The following ZNF503 variants were observed in gnomAD, a reference collection of about 807,000 sequenced individuals.
The protein encoded by ZNF503 is zinc finger protein 503, also known as NocA-like zinc finger 2.
A neutral mutation model predicts 34.4 loss-of-function variants in ZNF503; 15 were observed. That is an observed-to-expected ratio of 0.44 (90% CI 0.29 to 0.67). ZNF503 has a LOEUF of 0.67. Among genes scored for constraint, ZNF503 ranks in the 30% least tolerant of loss-of-function variants. The pLI, the probability that ZNF503 is intolerant of heterozygous loss-of-function variation, is 0.13. For synonymous variants in ZNF503, 580 were observed against 456.8 expected (o/e 1.27, Z -3.44); for missense variants, 1,007 against 926.8 (o/e 1.09, Z -1.12).
chr10:75,341,974 C>T, the ZNF503 span, among the ~76,000 whole-genome samples: 1 of 152,112 alleles, frequency 6.6e-6, no homozygotes, highest in South Asian at 2.1e-4. Context: ...TGGCTTATTT[C>T]TTGGTTGTCT....
the ZNF503 span, among the ~76,000 whole-genome samples, chr10:75,285,921 T>A: frequency 2.0e-5 from 3 of 152,142 alleles, no homozygotes; most frequent in Admixed American, 2.0e-4. Flanking sequence ...GAGCGGGTCT[T>A]GAGTTGTTTT....
chr10:75,349,893 C>G, the ZNF503 span, among the ~76,000 whole-genome samples: 169 of 152,288 alleles, frequency 1.1e-3, 1 homozygote, highest in East Asian at 0.024. Flanking sequence ...CAGAGTCACC[C>G]AGAAAGCCTG....
chr10:75,348,807 C>G, the ZNF503 span, among the ~76,000 whole-genome samples: 6 of 152,158 alleles, frequency 3.9e-5, no homozygotes, highest in African/African-American at 1.2e-4. Context: ...CCACCGCACC[C>G]GGCCGCCCCT....
chr10:75,364,502 C>T, the ZNF503 span, among the ~76,000 whole-genome samples: 1 of 152,116 alleles, frequency 6.6e-6, no homozygotes, highest in African/African-American at 2.4e-5. Context: ...GAGAAAAGGA[C>T]ACTAGCTTGG....
the ZNF503 span, among the ~76,000 whole-genome samples, chr10:75,295,218 C>A: frequency 6.6e-6 from 1 of 150,892 alleles, no homozygotes; most frequent in Non-Finnish European, 1.5e-5. The surrounding 1 kb of genome is among the most constrained non-coding windows in gnomAD (Gnocchi z 4.0). Context: ...GCCTGGGCGA[C>A]CCCCGGGAGG....
Position 75,401,389 on chromosome 10 carries a change from T to G in ZNF503, c.31A>C (p.Arg11=). The change falls in exon 1 of 2, where the codon AGA becomes CGA. Residue 11 remains arginine, a synonymous_variant. Coordinates refer to ENST00000372524, the MANE Select transcript of ZNF503 (RefSeq NM_032772.6). ...CCGCCGCCGCTGTGCTTACTGCTTC[T>G]TAGGGCAGAAAGCGAGGGCGCTGTG... is the stretch of plus-strand genomic sequence containing the variant. MSTAPSLSAL[R]SSKHSGGGGG... 6.5e-7 allele frequency: 1 copy of G among 1,539,414 alleles called. No individual in the cohort carries two copies. Among genetic ancestry groups the G allele is most frequent in the Non-Finnish European group, 8.7e-7 (1 of 1,146,410 alleles).
chr10:75,379,844 T>A, the ZNF503 span, among the ~76,000 whole-genome samples: 1 of 152,134 alleles, frequency 6.6e-6, no homozygotes, highest in Non-Finnish European at 1.5e-5. Context: ...CAAATTTCAT[T>A]TTTGTCCTGT....
At chr10:75,312,490 C>A in the ZNF503 span, among the ~76,000 whole-genome samples, 115,272 of 151,984 alleles carry the variant, frequency 0.76, 44,407 homozygotes, top group African/African-American at 0.86. Context: ...GTAGGTATAT[C>A]ACAAAATACC....
chr10:75,393,920 A>G (rs2131982178), downstream of ZNF503, among the ~76,000 whole-genome samples: 1 of 152,346 alleles, frequency 6.6e-6, no homozygotes, highest in African/African-American at 2.4e-5. Flanking sequence ...AAAAAATAAA[A>G]TAATAACAAT....
chr10:75,310,153 G>A, the ZNF503 span, among the ~76,000 whole-genome samples: 1 of 152,140 alleles, frequency 6.6e-6, no homozygotes, highest in East Asian at 1.9e-4. Context: ...TCCACTTAGA[G>A]GAATACGAAG....
At chr10:75,318,001 A>ATACATACATACG in the ZNF503 span, among the ~76,000 whole-genome samples, 3 of 150,910 alleles carry the variant, frequency 2.0e-5, no homozygotes, top group African/African-American at 4.9e-5. Context: ...GTCTCAACAA[A>ATACATACATACG]TACATACATA....
the ZNF503 span, among the ~76,000 whole-genome samples, chr10:75,379,583 G>T: frequency 1.3e-5 from 2 of 152,104 alleles, no homozygotes; most frequent in Non-Finnish European, 2.9e-5. Context: ...TGCCCAGCAC[G>T]GACTGTTCTT....
the ZNF503 span, among the ~76,000 whole-genome samples, chr10:75,383,272 G>A: frequency 6.6e-6 from 1 of 152,202 alleles, no homozygotes; most frequent in Admixed American, 6.5e-5. Flanking sequence ...CTAGGGCTGG[G>A]GAAAAACCAG....
the ZNF503 span, among the ~76,000 whole-genome samples, chr10:75,362,979 G>A: frequency 6.6e-6 from 1 of 152,094 alleles, no homozygotes; most frequent in Admixed American, 6.5e-5. Context: ...CCCTGGGTGT[G>A]AAAGCTGCAA....
At chr10:75,337,176 T>A in the ZNF503 span, among the ~76,000 whole-genome samples, 1 of 150,916 alleles carries the variant, frequency 6.6e-6, no homozygotes, top group Non-Finnish European at 1.5e-5. Context: ...ACACAACAAT[T>A]AGTCGGGCGT....
At chr10:75,393,159 G>C (rs1402307152), downstream of ZNF503, among the ~76,000 whole-genome samples, 2 of 152,194 alleles carry the variant, frequency 1.3e-5, no homozygotes, top group Admixed American at 6.5e-5. Context: ...GCTCACTCTG[G>C]GTCACACTGG....
chr10:75,292,890 T>C, the ZNF503 span, among the ~76,000 whole-genome samples: 6 of 152,158 alleles, frequency 3.9e-5, no homozygotes, highest in Non-Finnish European at 7.3e-5. Flanking sequence ...ACATTGGCTT[T>C]GGTATTTTTT....
At chr10:75,371,946 T>C in the ZNF503 span, among the ~76,000 whole-genome samples, 3 of 152,248 alleles carry the variant, frequency 2.0e-5, no homozygotes, top group Non-Finnish European at 4.4e-5. Flanking sequence ...TGTTTTGTTT[T>C]TGAGACAGAA....
the ZNF503 span, among the ~76,000 whole-genome samples, chr10:75,365,867 T>C: frequency 6.6e-6 from 1 of 152,166 alleles, no homozygotes; most frequent in Non-Finnish European, 1.5e-5. Context: ...TAGTTCCCAC[T>C]CCCTTCCTGC....
Sources: gnomAD v4.1 joint callset for allele counts (sites outside exome capture counted in the v4.1 genomes callset) on GRCh38, gnomAD v4.1.1 for gene constraint, Gnocchi (gnomAD v3.1) non-coding constraint, MANE v1.5 for transcripts, NCBI Gene and HGNC (gene_info 2026-07-23, HGNC 2026-07-21) for gene names.